The following SCN11A variants were observed in gnomAD, a reference collection of about 807,000 sequenced individuals.
SCN11A encodes the protein sodium voltage-gated channel alpha subunit 11, also known as sodium channel protein type 11 subunit alpha.
SCN11A carries 122 observed loss-of-function variants against 162.2 expected under a neutral mutation model. That is an observed-to-expected ratio of 0.75 (90% confidence interval 0.65 to 0.87). The LOEUF is 0.87. Ranked by LOEUF, SCN11A falls within the 40% of genes least tolerant of loss-of-function variation. SCN11A has a pLI of 0.00. For synonymous variants in SCN11A, 758 were observed against 751.5 expected (o/e 1.01, Z -0.14); for missense variants, 2,015 against 2,181.6 (o/e 0.92, Z 1.52).
intron 2 of SCN11A, among the ~76,000 whole-genome samples, chr3:39,005,462 C>T (rs1254348758): frequency 6.6e-6 from 1 of 152,198 alleles, no homozygotes; most frequent in Non-Finnish European, 1.5e-5. Context: ...TCCTTTCCTA[C>T]CTCTGGCTTC....
chr3:38,906,190 C>T (rs1293110610), intron 14 of SCN11A, among the ~76,000 whole-genome samples: 1 of 152,206 alleles, frequency 6.6e-6, no homozygotes, highest in South Asian at 2.1e-4. Flanking sequence ...CCACCTTCTA[C>T]CTACTACATC....
chr3:39,014,113 T>G (rs1008414688), intron 2 of SCN11A, among the ~76,000 whole-genome samples: 19 of 152,214 alleles, frequency 1.2e-4, no homozygotes, highest in Admixed American at 4.6e-4. Context: ...TCATTCTTTT[T>G]GGGTTTTAGT....
At chr3:38,952,022 C>G (rs1382406484) in intron 4 of SCN11A, among the ~76,000 whole-genome samples, 1 of 152,138 alleles carries the variant, frequency 6.6e-6, no homozygotes, top group Non-Finnish European at 1.5e-5. Context: ...ACTGCTTACT[C>G]TTTGGGTCCA....
chr3:38,905,160 G>C, intron 15 of SCN11A, 32 bp downstream of exon 15: 1 of 1,613,422 alleles, frequency 6.2e-7, no homozygotes, highest in Non-Finnish European at 8.5e-7. Context: ...CACTGAAGTA[G>C]ACTTTCCCTT....
intron 5 of SCN11A, 147 bp downstream of exon 5, chr3:38,949,949 G>T: frequency 1.6e-6 from 1 of 608,840 alleles, no homozygotes; most frequent in Non-Finnish European, 2.9e-6. Flanking sequence ...GACTATCAAG[G>T]CAATGCCAGG....
At chr3:38,997,842 C>A (rs1247798050) in intron 2 of SCN11A, among the ~76,000 whole-genome samples, 1 of 152,178 alleles carries the variant, frequency 6.6e-6, no homozygotes, top group African/African-American at 2.4e-5. Flanking sequence ...TCACATAATA[C>A]CTGTAAGTAT....
chr3:38,908,896 A>G (rs2125536868), intron 13 of SCN11A, 101 bp downstream of exon 13: 1 of 954,368 alleles, frequency 1.0e-6, no homozygotes, highest in East Asian at 2.4e-5. Context: ...AAGCACTGAG[A>G]CCAGGCCAAG....
chr3:38,866,581 G>A (rs1164036024), intron 27 of SCN11A, among the ~76,000 whole-genome samples: 2 of 152,128 alleles, frequency 1.3e-5, no homozygotes, highest in Non-Finnish European at 2.9e-5. Flanking sequence ...AACTAATGAG[G>A]TCAAAACTAC....
intron 21 of SCN11A, among the ~76,000 whole-genome samples, chr3:38,884,998 C>A (rs2126108034): frequency 6.6e-6 from 1 of 152,278 alleles, no homozygotes; most frequent in South Asian, 2.1e-4. Context: ...CCCTGGGAAC[C>A]ATAGAAAGTG....
At position 38,880,046 on chromosome 3, in the gene SCN11A, A is replaced by G; in HGVS notation, c.3297T>C (p.His1099=). Residue 1099 remains histidine (H), a synonymous_variant, in exon 23 of 30, where the codon CAT becomes CAC. Transcript: ENST00000302328. ...LLNCTDIIFT[H]IFILEMVLKW... ...TTAGTACCATCTCCAGGATAAAAAT[A>G]TGTGTAAAAATAATGTCAGTACAAT... is the stretch of plus-strand genomic sequence containing the variant. 6.2e-7 allele frequency: 1 copy of G among 1,611,056 alleles called. No individual in the cohort carries two copies. Among genetic ancestry groups the G allele is most frequent in the Non-Finnish European group, 8.5e-7 (1 of 1,177,504 alleles).
rs1280598635 is a variant in SCN11A at position 38,871,437 on chromosome 3, G to A, written c.3759+8C>T. On this transcript the variant is annotated splice_region_variant and intron_variant, in intron 25 of 29. Coordinates refer to ENST00000302328, the MANE Select transcript of SCN11A (RefSeq NM_001349253.2). Reference sequence around the variant, plus strand: ...CCTCAGAGTGAAAAACATACTGACTGTACTTACCACTTGCAGCAGAGCGAG... The same window carrying A: ...CCTCAGAGTGAAAAACATACTGACTATACTTACCACTTGCAGCAGAGCGAG... 1 of 1,593,724 alleles carries A rather than the reference G, an allele frequency of 6.3e-7. No homozygotes were observed. The highest frequency in any genetic ancestry group is 1.7e-5 in the Admixed American group (1 of 57,750).
chr3:39,018,172 A>G (rs909334548), intron 2 of SCN11A, among the ~76,000 whole-genome samples: 1 of 152,180 alleles, frequency 6.6e-6, no homozygotes, highest in Non-Finnish European at 1.5e-5. Flanking sequence ...AACCCTGGGC[A>G]CTGTTACTTC....
intron 1 of SCN11A, among the ~76,000 whole-genome samples, chr3:39,047,189 C>T (rs1299321282): frequency 6.6e-6 from 1 of 151,120 alleles, no homozygotes; most frequent in Non-Finnish European, 1.5e-5. Context: ...CATATATCAG[C>T]CTTCCAAGTA....
chr3:38,920,101 C>T (rs1413962048), intron 10 of SCN11A, 100 bp from the exon 11 acceptor site: 1 of 907,136 alleles, frequency 1.1e-6, no homozygotes, highest in Admixed American at 2.1e-5. Flanking sequence ...GATGTTTCTA[C>T]ATCTTCTAAA....
intron 19 of SCN11A, among the ~76,000 whole-genome samples, chr3:38,889,803 AAAAT>A (rs1226620546): frequency 0.14 from 2,972 of 20,870 alleles, 64 homozygotes; most frequent in Non-Finnish European, 0.17. Flanking sequence ...CCATCTCAAA[AAAAT>A]AAAATAAAAT....
intron 5 of SCN11A, among the ~76,000 whole-genome samples, chr3:38,949,674 T>A (rs1370693158): frequency 6.6e-6 from 1 of 152,208 alleles, no homozygotes; most frequent in African/African-American, 2.4e-5. Flanking sequence ...AGCATGTCTA[T>A]GCTCTAAGGT....
chr3:38,886,357 T>C (rs2065401317), intron 19 of SCN11A, 119 bp from the exon 20 acceptor site: 1 of 554,526 alleles, frequency 1.8e-6, no homozygotes, highest in South Asian at 3.7e-5. Flanking sequence ...TTGACATTAT[T>C]ACTCTTTTTT....
intron 1 of SCN11A, among the ~76,000 whole-genome samples, chr3:39,049,674 A>G (rs914037372): frequency 4.6e-5 from 7 of 152,196 alleles, no homozygotes; most frequent in Admixed American, 2.0e-4. Context: ...CATTTATTTC[A>G]TGATTCTACT....
chr3:38,849,066 G>C (rs965825182), intron 29 of SCN11A, among the ~76,000 whole-genome samples: 1 of 152,104 alleles, frequency 6.6e-6, no homozygotes, highest in Non-Finnish European at 1.5e-5. Flanking sequence ...ATGCCATACA[G>C]CATGTATAAC....
Sources: gnomAD v4.1 joint callset for allele counts (sites outside exome capture counted in the v4.1 genomes callset) on GRCh38, gnomAD v4.1.1 for gene constraint, MANE v1.5 for transcripts, NCBI Gene and HGNC (gene_info 2026-07-23, HGNC 2026-07-21) for gene names.